Variants in ZBTB20 observed in about 807,000 individuals in gnomAD.
ZBTB20 encodes the protein zinc finger and BTB domain containing 20.
A neutral mutation model predicts 56.9 loss-of-function variants in ZBTB20; 9 were observed. That is an observed-to-expected ratio of 0.16 (90% CI 0.10 to 0.28). The LOEUF is 0.28. Among genes scored for constraint, ZBTB20 ranks in the 10% least tolerant of loss-of-function variants. The pLI is 1.00. For missense variants in ZBTB20, 655 were observed against 1,003.0 expected, an observed-to-expected ratio of 0.65 and a Z score of 4.69; for synonymous variants, 417 against 420.7, an observed-to-expected ratio of 0.99 and a Z score of 0.11.
chr3:114,992,730 T>C (rs530351329), intron 2 of ZBTB20, among the ~76,000 whole-genome samples: 157 of 152,006 alleles, frequency 1.0e-3, no homozygotes, highest in Middle Eastern at 3.4e-3. Context: ...GAAAAGTCTA[T>C]AGGTCTATAG....
intron 2 of ZBTB20, among the ~76,000 whole-genome samples, chr3:115,006,638 C>T (rs977548861): frequency 5.9e-5 from 9 of 151,352 alleles, no homozygotes; most frequent in African/African-American, 1.7e-4. Context: ...ATCATATAAC[C>T]GTAGCAAAAT....
chr3:114,661,198 T>C lies in ZBTB20; in HGVS notation c.-295+32330A>G, dbSNP rs747178515. The stretch of plus-strand genomic sequence containing the variant: ...ATCTACCTCAACATTTGGTGTCTCT[T>C]GGCATTAGGAAAGCTCACGAAAATG... On this transcript the variant is annotated intron_variant, in intron 6 of 11. Transcript: ENST00000675478. 5.4e-4 allele frequency among the ~76,000 whole-genome samples: 82 copies of C among 152,152 alleles called. 1 individual carries two copies. Among genetic ancestry groups the C allele is most frequent in the Admixed American group, 3.2e-3 (49 of 15,268 alleles).
chr3:114,576,589 T>C (rs907236647), intron 6 of ZBTB20, among the ~76,000 whole-genome samples: 19 of 136,798 alleles, frequency 1.4e-4, no homozygotes, highest in Admixed American at 1.3e-3. Context: ...AATAATAAAT[T>C]GAGTGATAAG....
chr3:114,888,245 C>G (rs1169662539), intron 4 of ZBTB20, among the ~76,000 whole-genome samples: 1 of 151,686 alleles, frequency 6.6e-6, no homozygotes, highest in Non-Finnish European at 1.5e-5. Context: ...TAGTGAGACC[C>G]CCATTTCTAC....
intron 4 of ZBTB20, among the ~76,000 whole-genome samples, chr3:114,838,121 G>A (rs942484800): frequency 1.3e-5 from 2 of 152,162 alleles, no homozygotes; most frequent in Admixed American, 6.5e-5. Context: ...GTACCATACT[G>A]TCGGAGACCT....
intron 6 of ZBTB20, among the ~76,000 whole-genome samples, chr3:114,598,511 TGATA>T (rs979427620): frequency 1.3e-5 from 2 of 152,038 alleles, no homozygotes; most frequent in South Asian, 2.1e-4. Context: ...CACATATTTA[TGATA>T]GATAGGCATA....
intron 5 of ZBTB20, among the ~76,000 whole-genome samples, chr3:114,727,470 A>C (rs1263009573): frequency 6.6e-6 from 1 of 152,246 alleles, no homozygotes; most frequent in Non-Finnish European, 1.5e-5. Flanking sequence ...CTTTCTACCT[A>C]GGCATGGGCC....
At chr3:114,516,976 A>C (rs540053699) in intron 6 of ZBTB20, among the ~76,000 whole-genome samples, 1 of 152,320 alleles carries the variant, frequency 6.6e-6, no homozygotes, top group African/African-American at 2.4e-5. Flanking sequence ...GAAAACTGAT[A>C]TACTCAGTAA....
At chr3:114,512,633 T>C (rs968766598) in intron 6 of ZBTB20, among the ~76,000 whole-genome samples, 1 of 152,192 alleles carries the variant, frequency 6.6e-6, no homozygotes, top group Non-Finnish European at 1.5e-5. Context: ...CTAATTTTTA[T>C]ATAAATGAGA....
intron 4 of ZBTB20, among the ~76,000 whole-genome samples, chr3:114,832,696 A>T (rs546461605): frequency 1.3e-5 from 2 of 152,128 alleles, no homozygotes; most frequent in Non-Finnish European, 2.9e-5. Flanking sequence ...TAATTTTTTT[A>T]AATGCACAAA....
intron 7 of ZBTB20, among the ~76,000 whole-genome samples, chr3:114,454,981 G>C (rs1238703284): frequency 5.3e-5 from 8 of 149,882 alleles, no homozygotes; most frequent in Admixed American, 4.7e-4. Context: ...GAGAGAGAGA[G>C]AGAGAGAGAG....
rs1048185903 is a variant in ZBTB20 at position 114,941,876 on chromosome 3, C to A, written c.-456+32490G>T. Among the ~76,000 whole-genome samples the A allele has an allele frequency of 5.5e-5, 8 of 145,898 alleles. 1 individual carries two copies. Among genetic ancestry groups the A allele is most frequent in the Non-Finnish European group, 8.9e-5 (6 of 67,788 alleles). On this transcript the variant is annotated intron_variant, in intron 3 of 11. Coordinates refer to ENST00000675478, the MANE Select transcript of ZBTB20 (RefSeq NM_001348800.3). ...TATCTGCTGATGCTTGTTTTACTAA[C>A]CAAATATTACATTACACATGGTTTA...
intron 6 of ZBTB20, among the ~76,000 whole-genome samples, chr3:114,630,048 G>C (rs1287106454): frequency 6.6e-6 from 1 of 152,172 alleles, no homozygotes; most frequent in Non-Finnish European, 1.5e-5. Context: ...GCTGAGGTGA[G>C]AGGATCGCTT....
rs193212164 is a variant in ZBTB20 at position 115,023,642 on chromosome 3, G to A, written c.-507+47577C>T. ...AGTTTTCAACAAATCCTTACTCTTT[G>A]TACTTTTTTCCTTTTTTAAATTGTT... On this transcript the variant is annotated intron_variant, in intron 2 of 11. Coordinates refer to ENST00000675478, the MANE Select transcript of ZBTB20 (RefSeq NM_001348800.3). Among the ~76,000 whole-genome samples the A allele has an allele frequency of 3.5e-3, 534 of 150,728 alleles. 3 individuals are homozygous for A. Among genetic ancestry groups the A allele is most frequent in the African/African-American group, 0.012 (507 of 41,292 alleles).
intron 1 of ZBTB20, among the ~76,000 whole-genome samples, chr3:115,094,852 A>C (rs892387122): frequency 6.6e-6 from 1 of 152,044 alleles, no homozygotes; most frequent in Non-Finnish European, 1.5e-5. Context: ...CAATAACAAA[A>C]ATAGTACTAC....
chr3:114,980,115 A>G (rs372311525), intron 2 of ZBTB20, among the ~76,000 whole-genome samples: 1 of 151,938 alleles, frequency 6.6e-6, no homozygotes, highest in Non-Finnish European at 1.5e-5. Context: ...TTTTTTCTTT[A>G]CTTGTCTGTT....
At chr3:114,629,748 T>G (rs1222703642) in intron 6 of ZBTB20, among the ~76,000 whole-genome samples, 1 of 152,228 alleles carries the variant, frequency 6.6e-6, no homozygotes, top group Non-Finnish European at 1.5e-5. Flanking sequence ...AGGCCCTGTT[T>G]GGATACAGAG....
intron 2 of ZBTB20, among the ~76,000 whole-genome samples, chr3:115,057,726 C>T (rs529652189): frequency 2.3e-4 from 35 of 152,200 alleles, no homozygotes; most frequent in African/African-American, 8.2e-4. Context: ...TCTTGTAGTG[C>T]TTGTCTGTGG....
At chr3:114,938,977 T>C (rs2076641583) in intron 3 of ZBTB20, among the ~76,000 whole-genome samples, 1 of 145,124 alleles carries the variant, frequency 6.9e-6, no homozygotes, top group African/African-American at 2.9e-5. Flanking sequence ...GAATCTAGTA[T>C]TGGGCAGAAA....
Sources: gnomAD v4.1 joint callset for allele counts (sites outside exome capture counted in the v4.1 genomes callset) on GRCh38, gnomAD v4.1.1 for gene constraint, MANE v1.5 for transcripts, NCBI Gene and HGNC (gene_info 2026-07-23, HGNC 2026-07-21) for gene names.